Variants in LTA observed in about 807,000 individuals in gnomAD.
LTA encodes lymphotoxin-alpha.
A neutral mutation model predicts 15.1 loss-of-function variants in LTA; 6 were observed. That is an observed-to-expected ratio of 0.40 (90% CI 0.22 to 0.78). The LOEUF is 0.78. LTA is among the 30% of genes least tolerant of loss of function. The probability of loss-of-function intolerance (pLI) is 0.38; values close to 1 mark genes in which losing one functional copy is unlikely to be tolerated. For synonymous variants in LTA, 87 were observed against 107.3 expected, an observed-to-expected ratio of 0.81 and a Z score of 1.17; for missense variants, 173 against 249.5, an observed-to-expected ratio of 0.69 and a Z score of 2.06.
chr6:31,570,721 A>T (rs1770786741), upstream of LTA, among the ~76,000 whole-genome samples: 2 of 152,328 alleles, frequency 1.3e-5, no homozygotes, highest in South Asian at 4.1e-4. Context: ...AATTTTTTTT[A>T]AAAACATTAC....
upstream of LTA, among the ~76,000 whole-genome samples, chr6:31,568,163 T>C (rs1485430486): frequency 5.3e-5 from 8 of 152,224 alleles, no homozygotes; most frequent in African/African-American, 1.9e-4. This position sits in a 1 kb window ranked among gnomAD's most constrained non-coding sequence, Gnocchi z 4.1. Flanking sequence ...GTACCTTCTC[T>C]GATCCCTTTG....
At position 31,573,323 on chromosome 6, in the gene LTA, C is replaced by T. The variant is rs377059622; in HGVS notation, c.248C>T (p.Thr83Met). The T allele has an allele frequency of 5.6e-5, 90 of 1,613,730 alleles. No individual in the cohort carries two copies. The highest frequency in any genetic ancestry group is 4.7e-4 in the African/African-American group (35 of 74,844). ...KQNSLLWRAN[T>M]DRAFLQDGFS... The stretch of plus-strand genomic sequence containing the variant: ...AACTCACTGCTCTGGAGAGCAAACA[C>T]GGACCGTGCCTTCCTCCAGGATGGT... Residue 83 changes from threonine (T) to methionine (M), a missense_variant, in exon 4 of 4, where the codon ACG (threonine) becomes ATG (methionine). Coordinates refer to ENST00000418386, the MANE Select transcript of LTA (RefSeq NM_000595.4).
chr6:31,561,827 T>A, the LTA span, among the ~76,000 whole-genome samples: 1 of 151,984 alleles, frequency 6.6e-6, no homozygotes, highest in South Asian at 2.1e-4. Context: ...TACATTATAG[T>A]TATAATGTAT....
chr6:31,572,677 T>G (rs1269726827), intron 1 of LTA, 57 bp from the exon 2 acceptor site: 6 of 1,331,774 alleles, frequency 4.5e-6, no homozygotes, highest in Admixed American at 1.7e-5. Flanking sequence ...AGGTCTGTCT[T>G]CCGCCGCGTG....
At chr6:31,570,629 G>T (rs981392222), upstream of LTA, among the ~76,000 whole-genome samples, 3 of 152,062 alleles carry the variant, frequency 2.0e-5, no homozygotes, top group African/African-American at 7.2e-5. Flanking sequence ...CATTTTTTGT[G>T]TTAGACAAAA....
the LTA span, among the ~76,000 whole-genome samples, chr6:31,565,924 A>G: frequency 6.6e-6 from 1 of 152,150 alleles, no homozygotes. Flanking sequence ...CTATGCCTAT[A>G]ATCCCAGCAC....
upstream of LTA, among the ~76,000 whole-genome samples, chr6:31,567,112 A>T (rs543916147): frequency 6.6e-6 from 1 of 151,998 alleles, no homozygotes; most frequent in East Asian, 1.9e-4. Context: ...CCTGACTAAC[A>T]TGGTGAAACC....
the LTA span, among the ~76,000 whole-genome samples, chr6:31,564,627 C>T: frequency 3.2e-4 from 48 of 148,696 alleles, no homozygotes; most frequent in African/African-American, 1.0e-3. Flanking sequence ...GGTAGGAGGC[C>T]GGGTGCGGTG....
the LTA span, among the ~76,000 whole-genome samples, chr6:31,561,077 G>A: frequency 6.6e-6 from 1 of 152,144 alleles, no homozygotes; most frequent in African/African-American, 2.4e-5. Context: ...TTCCATAGGC[G>A]AATAACACGT....
At chr6:31,573,193 C>A in intron 3 of LTA, 88 bp from the exon 4 acceptor site, 1 of 1,387,814 alleles carries the variant, frequency 7.2e-7, no homozygotes, top group Non-Finnish European at 1.0e-6. Flanking sequence ...CCCAGGAACT[C>A]AGTTGTTCAG....
upstream of LTA, among the ~76,000 whole-genome samples, chr6:31,570,609 T>A (rs981480853): frequency 2.0e-5 from 3 of 152,212 alleles, no homozygotes; most frequent in African/African-American, 7.2e-5. Context: ...ATGAGAATGT[T>A]CGTGTTAGAC....
chr6:31,572,624 A>G (rs1583040340), intron 1 of LTA, 110 bp from the exon 2 acceptor site: 1 of 681,300 alleles, frequency 1.5e-6, no homozygotes, highest in African/African-American at 2.0e-5. Context: ...TTCTCTGTCG[A>G]TCTCTCTCTC....
chr6:31,571,437 C>T, upstream of LTA, among the ~76,000 whole-genome samples: 1 of 152,206 alleles, frequency 6.6e-6, no homozygotes, highest in East Asian at 1.9e-4. Context: ...CCACCCCACC[C>T]TAAGTCACCA....
upstream of LTA, among the ~76,000 whole-genome samples, chr6:31,567,837 T>C (rs1770660973): frequency 6.6e-6 from 1 of 151,934 alleles, no homozygotes; most frequent in Non-Finnish European, 1.5e-5. Flanking sequence ...CTCTCTCTGC[T>C]CCAGCCACAC....
chr6:31,572,560 T>A, intron 1 of LTA, 114 bp downstream of exon 1: 1 of 601,788 alleles, frequency 1.7e-6, no homozygotes, highest in Middle Eastern at 3.2e-4. Flanking sequence ...CCTTCCTGTC[T>A]CTCTCTGTCT....
At chr6:31,563,764 C>T in the LTA span, among the ~76,000 whole-genome samples, 1 of 152,166 alleles carries the variant, frequency 6.6e-6, no homozygotes, top group African/African-American at 2.4e-5. Flanking sequence ...CCCACCATCA[C>T]GCCCAGCTAA....
At chr6:31,567,300 C>G (rs1003491452), upstream of LTA, among the ~76,000 whole-genome samples, 9 of 150,320 alleles carry the variant, frequency 6.0e-5, no homozygotes, top group African/African-American at 2.2e-4. Context: ...CTCAAACAAA[C>G]AAAAAAAAAC....
Position 31,573,011 on chromosome 6 carries a change from C to G in LTA, c.183C>G (p.Leu61=). 1 of 1,612,654 alleles carries G rather than the reference C, an allele frequency of 6.2e-7. No individual in the cohort carries two copies. Among genetic ancestry groups the G allele is most frequent in the Non-Finnish European group, 8.5e-7 (1 of 1,179,818 alleles). ...HPKMHLAHST[L]KPAAHLIGDP... Reference sequence around the variant, plus strand: ...AGATGCATCTTGCCCACAGCACCCTCAAACCTGCTGCTCACCTCATTGGTA... The same window carrying G: ...AGATGCATCTTGCCCACAGCACCCTGAAACCTGCTGCTCACCTCATTGGTA... The change falls in exon 3 of 4, where the codon CTC becomes CTG. Residue 61 remains leucine, a synonymous_variant. Coordinates refer to ENST00000418386, the MANE Select transcript of LTA (RefSeq NM_000595.4).
chr6:31,571,511 G>A (rs1770828782), upstream of LTA, among the ~76,000 whole-genome samples: 1 of 152,218 alleles, frequency 6.6e-6, no homozygotes, highest in Admixed American at 6.5e-5. Context: ...GAAGGTGTCT[G>A]CCACATTGAT....
Sources: gnomAD v4.1 joint callset for allele counts (sites outside exome capture counted in the v4.1 genomes callset) on GRCh38, gnomAD v4.1.1 for gene constraint, Gnocchi (gnomAD v3.1) non-coding constraint, MANE v1.5 for transcripts, NCBI Gene and HGNC (gene_info 2026-07-23, HGNC 2026-07-21) for gene names.